Variants in HEPACAM2 observed in about 807,000 individuals in gnomAD.
HEPACAM2 encodes the protein HEPACAM family member 2, also known as mitotic kinetics regulator.
A neutral mutation model predicts 49.6 loss-of-function variants in HEPACAM2; 49 were observed. That is an observed-to-expected ratio of 0.99 (90% CI 0.78 to 1.25). HEPACAM2 has a LOEUF of 1.25. Ranked by LOEUF, HEPACAM2 falls within the 50% of genes most tolerant of loss-of-function variation. The pLI is 0.00. For synonymous variants in HEPACAM2, 197 were observed against 202.9 expected, an observed-to-expected ratio of 0.97 and a Z score of 0.25; for missense variants, 525 against 557.2, an observed-to-expected ratio of 0.94 and a Z score of 0.58.
At position 93,225,791 on chromosome 7, in the gene HEPACAM2, A is replaced by C. The variant is rs930257471; in HGVS notation, c.79+577T>G. On this transcript the variant is annotated intron_variant, in intron 1 of 9. Transcript: ENST00000394468. ...CTTAATAGGACTAGCCATTGGGCAA[A>C]GAGAAAAGCTAAAGGCATTTTGGAG... is the stretch of plus-strand genomic sequence containing the variant. The C allele has an allele frequency of 6.0e-5, 32 of 537,368 alleles. No individual in the cohort carries two copies. The African/African-American group carries it at 6.0e-4, about 10-fold the overall frequency. 33.3% of individuals were successfully genotyped at this position (537,368 alleles called of 1,614,324 possible).
chr7:93,197,200 A>T, intron 7 of HEPACAM2, 41 bp downstream of exon 7: 1 of 1,459,450 alleles, frequency 6.9e-7, no homozygotes, highest in Non-Finnish European at 9.4e-7. Context: ...TAATTAACAT[A>T]CATTAAAACT....
intron 3 of HEPACAM2, among the ~76,000 whole-genome samples, chr7:93,210,526 T>C (rs1190206604): frequency 6.6e-6 from 1 of 151,928 alleles, no homozygotes; most frequent in African/African-American, 2.4e-5. Flanking sequence ...TACAATCAAT[T>C]ACTAATTATA....
At chr7:93,200,414 T>C (rs1314334471) in intron 4 of HEPACAM2, among the ~76,000 whole-genome samples, 3 of 152,140 alleles carry the variant, frequency 2.0e-5, no homozygotes, top group East Asian at 3.9e-4. Context: ...GGCTAATTGA[T>C]ATAAACAAGA....
At chr7:93,232,231 C>A in the HEPACAM2 span, 7 of 493,102 alleles carry the variant, frequency 1.4e-5, no homozygotes, top group East Asian at 1.9e-4. Context: ...CTGAAGCACC[C>A]GCTCTTTTGC....
upstream of HEPACAM2, among the ~76,000 whole-genome samples, chr7:93,230,029 A>T (rs1216386745): frequency 6.6e-6 from 1 of 152,208 alleles, no homozygotes; most frequent in Non-Finnish European, 1.5e-5. Flanking sequence ...GACTGTATCC[A>T]TTTTTATCCA....
intron 3 of HEPACAM2, among the ~76,000 whole-genome samples, chr7:93,212,483 G>T (rs1794199717): frequency 6.6e-6 from 1 of 151,408 alleles, no homozygotes; most frequent in Non-Finnish European, 1.5e-5. Flanking sequence ...AAGTAACATA[G>T]TTTATCTGTT....
intron 1 of HEPACAM2, among the ~76,000 whole-genome samples, chr7:93,220,028 G>A (rs557317966): frequency 3.4e-4 from 52 of 152,280 alleles, no homozygotes; most frequent in African/African-American, 1.2e-3. Context: ...CATCTGGTTG[G>A]TGTATTTGAG....
rs183929112 is a variant in HEPACAM2, at chr7:93,200,276, T to G, written c.1013-2666A>C. Among the ~76,000 whole-genome samples, 26 of 152,204 alleles carry G rather than the reference T, an allele frequency of 1.7e-4. No homozygotes were observed. In the East Asian group the frequency reaches 3.3e-3, roughly 19 times the overall value. Reference sequence around the variant, plus strand: ...CCTAATGCTTCTTGTCTTGAAGAATTTATCTAATTCATCTAATTTTTATGT... The same window carrying G: ...CCTAATGCTTCTTGTCTTGAAGAATGTATCTAATTCATCTAATTTTTATGT... On this transcript the variant is annotated intron_variant, in intron 4 of 9. Transcript: ENST00000394468.
intron 2 of HEPACAM2, among the ~76,000 whole-genome samples, chr7:93,218,075 G>T (rs575998491): frequency 5.3e-4 from 80 of 152,156 alleles, no homozygotes; most frequent in Middle Eastern, 3.4e-3. Flanking sequence ...GCCCTGAGGA[G>T]GAGTGTGTTT....
chr7:93,217,028 G>A (rs1307806407), intron 2 of HEPACAM2, among the ~76,000 whole-genome samples: 1 of 152,130 alleles, frequency 6.6e-6, no homozygotes, highest in Non-Finnish European at 1.5e-5. Context: ...TAATTCTGAA[G>A]CTTATAGCAC....
rs369265044 is a variant in HEPACAM2 at position 93,197,499 on chromosome 7, T to C, written c.1124A>G (p.Tyr375Cys). ...SMCLLFLWKK[Y>C]QPYKVIKQKL... ...TTTTAACCTACCTTTGTAGGGTTGATATTTTTTCCATAGGAAGAGAAGACA... is the reference window on the plus strand; with the variant it reads ...TTTTAACCTACCTTTGTAGGGTTGACATTTTTTCCATAGGAAGAGAAGACA... Residue 375 changes from tyrosine to cysteine, a missense_variant, in exon 5 of 10, where the codon TAT becomes TGT. Physicochemically the swap from Tyr to Cys is radical, Grantham distance 194. Transcript: ENST00000394468. 3 of 1,595,250 alleles carry C rather than the reference T, an allele frequency of 1.9e-6. No homozygotes were observed. The highest frequency in any genetic ancestry group is 2.6e-6 in the Non-Finnish European group (3 of 1,167,764).
chr7:93,197,277 G>A lies in HEPACAM2; in HGVS notation c.1165C>T (p.Pro389Ser). 1.2e-6 allele frequency: 2 copies of A among 1,610,694 alleles called. No homozygotes were observed. The highest frequency in any genetic ancestry group is 1.7e-6 in the Non-Finnish European group (2 of 1,178,448). ...KVIKQKLEGR[P>S]ETEYRKAQTF... is the part of the protein sequence containing the mutation. ...TGAGCTTTCCTGTATTCTGTTTCTG[G>A]CCTGAAAAGACAAAATAGGTATTTT... Residue 389 changes from proline to serine, a missense_variant and splice_region_variant, in exon 7 of 10, where the codon CCA becomes TCA. Coordinates refer to ENST00000394468, the MANE Select transcript of HEPACAM2 (RefSeq NM_001039372.4).
At chr7:93,197,448 A>G in intron 5 of HEPACAM2, 37 bp downstream of exon 5, 1 of 1,586,492 alleles carries the variant, frequency 6.3e-7, no homozygotes, top group Non-Finnish European at 8.6e-7. Context: ...GTACACATAT[A>G]TACAGCTTCA....
At chr7:93,212,082 A>T (rs995407240) in intron 3 of HEPACAM2, among the ~76,000 whole-genome samples, 2 of 152,032 alleles carry the variant, frequency 1.3e-5, no homozygotes, top group African/African-American at 4.8e-5. Context: ...TCTCACAAGC[A>T]GTAATTCTTC....
intron 1 of HEPACAM2, among the ~76,000 whole-genome samples, chr7:93,220,671 G>A (rs1373866156): frequency 6.6e-6 from 1 of 152,184 alleles, no homozygotes; most frequent in Admixed American, 6.5e-5. Context: ...ATGGAGCTCT[G>A]CCCAGTGGAT....
At chr7:93,215,713 T>A (rs1794292943) in intron 2 of HEPACAM2, 28 bp from the exon 3 acceptor site, 3 of 1,593,486 alleles carry the variant, frequency 1.9e-6, no homozygotes, top group Non-Finnish European at 2.6e-6. Context: ...ATATGAATGA[T>A]TTTTTCTTTT....
At chr7:93,197,681 T>C in intron 4 of HEPACAM2, 71 bp from the exon 5 acceptor site, 1 of 1,108,210 alleles carries the variant, frequency 9.0e-7, no homozygotes, top group Non-Finnish European at 1.3e-6. Flanking sequence ...TTAAATGCCG[T>C]ATTTTAAATG....
chr7:93,192,226 G>T, intron 9 of HEPACAM2, 28 bp downstream of exon 9: 1 of 1,505,332 alleles, frequency 6.6e-7, no homozygotes, highest in Non-Finnish European at 9.2e-7. Flanking sequence ...CCTCTCCATA[G>T]CACCATCAAA....
At chr7:93,201,476 A>G (rs1331389582) in intron 4 of HEPACAM2, among the ~76,000 whole-genome samples, 1 of 151,660 alleles carries the variant, frequency 6.6e-6, no homozygotes, top group African/African-American at 2.4e-5. Context: ...ATACATTTTT[A>G]TTTGTCTTTT....
Sources: gnomAD v4.1 joint callset for allele counts (sites outside exome capture counted in the v4.1 genomes callset) on GRCh38, gnomAD v4.1.1 for gene constraint, MANE v1.5 for transcripts, NCBI Gene and HGNC (gene_info 2026-07-23, HGNC 2026-07-21) for gene names.